Variants in PLPPR5 observed in about 807,000 individuals in gnomAD.
The protein encoded by PLPPR5 is phospholipid phosphatase related 5, also known as phospholipid phosphatase-related protein type 5.
Under a neutral mutation model 33.9 loss-of-function variants are expected in PLPPR5, and 16 were observed. The observed-to-expected ratio is 0.47, with a 90% CI of 0.32 to 0.72. The LOEUF (loss-of-function observed/expected upper bound fraction) is 0.72, where lower values mean the gene tolerates loss of function less well. Among genes scored for constraint, PLPPR5 ranks in the 30% least tolerant of loss-of-function variants. The pLI is 0.03. For synonymous variants in PLPPR5, 163 were observed against 150.3 expected, an observed-to-expected ratio of 1.08 and a Z score of -0.62; for missense variants, 301 against 406.7, an observed-to-expected ratio of 0.74 and a Z score of 2.23.
chr1:98,924,508 A>G (rs1375677540), intron 3 of PLPPR5, among the ~76,000 whole-genome samples: 1 of 152,202 alleles, frequency 6.6e-6, no homozygotes, highest in Non-Finnish European at 1.5e-5. Context: ...CATAGGAGTA[A>G]GGCTACATCT....
intron 4 of PLPPR5, among the ~76,000 whole-genome samples, chr1:98,916,434 G>A (rs1441807312): frequency 6.6e-6 from 1 of 152,122 alleles, no homozygotes; most frequent in Non-Finnish European, 1.5e-5. Context: ...ACCCCACAAA[G>A]GTCTGACAGA....
intron 5 of PLPPR5, among the ~76,000 whole-genome samples, chr1:98,898,382 T>C (rs1203379411): frequency 1.3e-5 from 2 of 152,198 alleles, no homozygotes; most frequent in Non-Finnish European, 2.9e-5. Context: ...GTGGATGTCA[T>C]AATCTCGAAT....
intron 3 of PLPPR5, among the ~76,000 whole-genome samples, chr1:98,942,459 C>G (rs923616171): frequency 6.6e-6 from 1 of 152,164 alleles, no homozygotes; most frequent in Non-Finnish European, 1.5e-5. Context: ...TGTGCATTAG[C>G]TTGTTAGATC....
At chr1:98,939,924 T>C (rs553264165) in intron 3 of PLPPR5, among the ~76,000 whole-genome samples, 4 of 152,050 alleles carry the variant, frequency 2.6e-5, no homozygotes, top group African/African-American at 9.6e-5. Flanking sequence ...TAGAGAACGC[T>C]AATGGACACA....
At chr1:98,895,182 T>A (rs1453744521) in intron 5 of PLPPR5, among the ~76,000 whole-genome samples, 1 of 151,964 alleles carries the variant, frequency 6.6e-6, no homozygotes, top group Non-Finnish European at 1.5e-5. Flanking sequence ...ACCACTAGAG[T>A]GTTGCCCTCA....
intron 3 of PLPPR5, among the ~76,000 whole-genome samples, chr1:98,942,503 G>A (rs1450323662): frequency 6.6e-6 from 1 of 152,196 alleles, no homozygotes; most frequent in Non-Finnish European, 1.5e-5. Context: ...AAGCAGTGTG[G>A]CAGCCACAGA....
chr1:98,989,882 ACT>A (rs1384199018), intron 1 of PLPPR5, among the ~76,000 whole-genome samples: 2 of 152,208 alleles, frequency 1.3e-5, no homozygotes, highest in African/African-American at 2.4e-5. Flanking sequence ...ATTGGAACTC[ACT>A]CTGTTTTATA....
At chr1:98,965,015 G>A (rs1267076852) in intron 1 of PLPPR5, among the ~76,000 whole-genome samples, 1 of 126,852 alleles carries the variant, frequency 7.9e-6, no homozygotes, top group Non-Finnish European at 1.6e-5. Context: ...ATTTCATCAT[G>A]TTGCCCAGGC....
chr1:98,989,968 T>A (rs1652393589), intron 1 of PLPPR5, among the ~76,000 whole-genome samples: 2 of 152,176 alleles, frequency 1.3e-5, no homozygotes, highest in African/African-American at 4.8e-5. Context: ...TTGTTGTAAT[T>A]TTTTGACAGT....
intron 2 of PLPPR5, among the ~76,000 whole-genome samples, chr1:98,956,401 G>C (rs1325942423): frequency 6.6e-6 from 1 of 152,204 alleles, no homozygotes; most frequent in South Asian, 2.1e-4. Context: ...TTGGTTACAT[G>C]AGTAAGTTCT....
intron 1 of PLPPR5, among the ~76,000 whole-genome samples, chr1:98,960,904 A>G (rs1012543871): frequency 2.0e-5 from 3 of 152,220 alleles, no homozygotes; most frequent in Non-Finnish European, 4.4e-5. Flanking sequence ...CTAGCCAATG[A>G]CTAAGCATGG....
At chr1:98,972,727 T>A (rs922868272) in intron 1 of PLPPR5, among the ~76,000 whole-genome samples, 1 of 152,022 alleles carries the variant, frequency 6.6e-6, no homozygotes, top group African/African-American at 2.4e-5. Context: ...ATGGCTATGA[T>A]CTTCAGGGGA....
chr1:99,001,671 GATATATATATATATAT>G lies in PLPPR5; in HGVS notation c.237+2748_237+2763del, dbSNP rs55722150. Among the ~76,000 whole-genome samples the G allele has an allele frequency of 8.8e-5, 9 of 102,196 alleles. No homozygotes were observed. In the South Asian group the frequency reaches 9.9e-4, roughly 11 times the overall value. 67.0% of individuals were successfully genotyped at this position (102,196 alleles called of 152,430 possible). ...ACTAGAAATGAGTTTGAAAGTTAAAGATATATATATATATATATATATATATATATATATGAAGCTT... is the reference window on the plus strand; with the variant it reads ...ACTAGAAATGAGTTTGAAAGTTAAAGATATATATATATATATATGAAGCTT... On this transcript the variant is annotated intron_variant, in intron 1 of 5. Coordinates refer to ENST00000263177, the MANE Select transcript of PLPPR5 (RefSeq NM_001037317.2).
At position 98,979,556 on chromosome 1, in the gene PLPPR5, A is replaced by T. The variant is rs763532345; in HGVS notation, c.238-22815T>A. ...TCTGTATTAGCAAATGTAAGGTCAGATTGTTTGGTTCCATATCAAGGCTTT... is the reference window on the plus strand; with the variant it reads ...TCTGTATTAGCAAATGTAAGGTCAGTTTGTTTGGTTCCATATCAAGGCTTT... On this transcript the variant is annotated intron_variant, in intron 1 of 5. Coordinates refer to ENST00000263177, the MANE Select transcript of PLPPR5 (RefSeq NM_001037317.2). 4.6e-5 allele frequency among the ~76,000 whole-genome samples: 7 copies of T among 152,092 alleles called. No individual in the cohort carries two copies. In the East Asian group the frequency reaches 1.4e-3, roughly 29 times the overall value.
At chr1:98,980,615 T>G (rs1218973005) in intron 1 of PLPPR5, among the ~76,000 whole-genome samples, 1 of 152,098 alleles carries the variant, frequency 6.6e-6, no homozygotes, top group Admixed American at 6.6e-5. Flanking sequence ...TTACAATCAG[T>G]GTTTTTCTGA....
At chr1:98,968,822 C>T (rs963627180) in intron 1 of PLPPR5, among the ~76,000 whole-genome samples, 3 of 151,986 alleles carry the variant, frequency 2.0e-5, no homozygotes, top group Admixed American at 6.6e-5. Flanking sequence ...GACACAATGG[C>T]ACAGAGAGAT....
chr1:98,991,914 G>A (rs895157839), intron 1 of PLPPR5, among the ~76,000 whole-genome samples: 1 of 152,178 alleles, frequency 6.6e-6, no homozygotes, highest in Non-Finnish European at 1.5e-5. Flanking sequence ...GCAGAGCAAG[G>A]AGGAACACGT....
At chr1:98,970,452 T>A (rs1354243361) in intron 1 of PLPPR5, among the ~76,000 whole-genome samples, 1 of 152,022 alleles carries the variant, frequency 6.6e-6, no homozygotes, top group Non-Finnish European at 1.5e-5. Context: ...TAATACACAA[T>A]GGGAAATATA....
intron 5 of PLPPR5, among the ~76,000 whole-genome samples, chr1:98,901,396 A>G (rs6675949): frequency 0.84 from 127,542 of 151,998 alleles, 53,676 homozygotes; most frequent in Non-Finnish European, 0.86. Flanking sequence ...GTATGCATTC[A>G]TCAAAACTCA....
Sources: gnomAD v4.1 joint callset for allele counts (sites outside exome capture counted in the v4.1 genomes callset) on GRCh38, gnomAD v4.1.1 for gene constraint, MANE v1.5 for transcripts, NCBI Gene and HGNC (gene_info 2026-07-23, HGNC 2026-07-21) for gene names.